Variants in SPATA17 observed in about 807,000 individuals in gnomAD.
SPATA17 encodes the protein spermatogenesis associated 17.
SPATA17 carries 53 observed loss-of-function variants against 62.2 expected under a neutral mutation model. The observed-to-expected ratio is 0.85, with a 90% CI of 0.68 to 1.07. The LOEUF is 1.07. Among genes scored for constraint, SPATA17 ranks in the 50% least tolerant of loss-of-function variants. The pLI is 0.00. For missense variants in SPATA17, 466 were observed against 425.5 expected (o/e 1.10, Z -0.84); for synonymous variants, 146 against 146.8 (o/e 0.99, Z 0.04).
At chr1:217,663,938 A>G (rs17046741) in intron 3 of SPATA17, among the ~76,000 whole-genome samples, 29,340 of 151,938 alleles carry the variant, frequency 0.19, 3,123 homozygotes, top group African/African-American at 0.29. Context: ...TATATTGTAC[A>G]TGAAAATATG....
intron 2 of SPATA17, 24 bp from the exon 3 acceptor site, chr1:217,651,073 A>G: frequency 6.5e-7 from 1 of 1,535,184 alleles, no homozygotes; most frequent in Admixed American, 1.8e-5. Context: ...AAGGATACTA[A>G]TAAGCATATT....
At chr1:217,767,292 C>T (rs930449709) in intron 6 of SPATA17, among the ~76,000 whole-genome samples, 5 of 151,858 alleles carry the variant, frequency 3.3e-5, no homozygotes, top group African/African-American at 1.2e-4. Flanking sequence ...AAGATTTTTT[C>T]TTTACCTTTG....
chr1:217,638,891 G>A (rs1457711803), intron 1 of SPATA17, among the ~76,000 whole-genome samples: 1 of 151,914 alleles, frequency 6.6e-6, no homozygotes, highest in Non-Finnish European at 1.5e-5. Context: ...TGTTAGGAAG[G>A]CAAATAAAGG....
chr1:217,656,527 C>T (rs894627841), intron 3 of SPATA17, among the ~76,000 whole-genome samples: 3 of 150,674 alleles, frequency 2.0e-5, no homozygotes, highest in Non-Finnish European at 4.4e-5. Context: ...GCTCTAAGCT[C>T]CTTGGGAATA....
At chr1:217,838,311 A>G (rs1177550229) in intron 9 of SPATA17, among the ~76,000 whole-genome samples, 1 of 151,850 alleles carries the variant, frequency 6.6e-6, no homozygotes. Flanking sequence ...TTAGTCAAGC[A>G]TTTTTCTCTG....
At chr1:217,675,740 A>G (rs1670931596) in intron 4 of SPATA17, among the ~76,000 whole-genome samples, 1 of 152,180 alleles carries the variant, frequency 6.6e-6, no homozygotes, top group South Asian at 2.1e-4. Flanking sequence ...AGGTATAGGT[A>G]TCATTAAGAT....
At chr1:217,657,885 T>C (rs895635138) in intron 3 of SPATA17, among the ~76,000 whole-genome samples, 3 of 152,150 alleles carry the variant, frequency 2.0e-5, no homozygotes, top group African/African-American at 4.8e-5. Flanking sequence ...TTCCACATGG[T>C]TGGAGAGGCC....
chr1:217,756,849 A>T (rs1212961839), intron 6 of SPATA17, among the ~76,000 whole-genome samples: 1 of 152,212 alleles, frequency 6.6e-6, no homozygotes, highest in Non-Finnish European at 1.5e-5. Context: ...ACCAGCTGAA[A>T]TTCTGAAACA....
chr1:217,861,753 A>G (rs1422877051), intron 9 of SPATA17, among the ~76,000 whole-genome samples: 2 of 152,172 alleles, frequency 1.3e-5, no homozygotes, highest in African/African-American at 4.8e-5. Context: ...AAGCATTTTT[A>G]TCACTCAAAT....
chr1:217,675,937 C>T (rs1230689938), intron 4 of SPATA17, among the ~76,000 whole-genome samples: 1 of 152,148 alleles, frequency 6.6e-6, no homozygotes, highest in Non-Finnish European at 1.5e-5. Flanking sequence ...ATGAGAACAA[C>T]TATACTGACC....
intron 6 of SPATA17, among the ~76,000 whole-genome samples, chr1:217,765,829 T>G (rs1315313435): frequency 6.6e-6 from 1 of 152,078 alleles, no homozygotes; most frequent in Non-Finnish European, 1.5e-5. Flanking sequence ...TCACATATTT[T>G]GATGCTTTGT....
At chr1:217,712,442 A>G (rs560733392) in intron 5 of SPATA17, among the ~76,000 whole-genome samples, 7 of 152,138 alleles carry the variant, frequency 4.6e-5, no homozygotes, top group African/African-American at 1.7e-4. Flanking sequence ...ATGTTCTTAT[A>G]TTATGTCTTA....
chr1:217,674,444 C>G (rs981757394), intron 4 of SPATA17, among the ~76,000 whole-genome samples: 1 of 152,176 alleles, frequency 6.6e-6, no homozygotes, highest in Admixed American at 6.5e-5. Flanking sequence ...CTGTGCCTGG[C>G]TTGTGCTCCA....
At chr1:217,788,610 G>T (rs1673921441) in intron 8 of SPATA17, among the ~76,000 whole-genome samples, 1 of 152,098 alleles carries the variant, frequency 6.6e-6, no homozygotes, top group South Asian at 2.1e-4. Context: ...GCAATGTGAG[G>T]AGGGTTCAAT....
chr1:217,836,749 A>G (rs1333424197), intron 9 of SPATA17, among the ~76,000 whole-genome samples: 1 of 152,112 alleles, frequency 6.6e-6, no homozygotes, highest in African/African-American at 2.4e-5. Flanking sequence ...TTTTGTGACA[A>G]AGAGCTATGA....
At chr1:217,641,000 G>T (rs947721065) in intron 1 of SPATA17, among the ~76,000 whole-genome samples, 8 of 151,976 alleles carry the variant, frequency 5.3e-5, no homozygotes, top group Non-Finnish European at 2.9e-5. Flanking sequence ...TTTATATTGA[G>T]CATCGGTTAA....
Position 217,801,818 on chromosome 1 carries a change from A to C in SPATA17, c.973A>C (p.Ser325Arg), listed in dbSNP as rs748601564. ...TATTTCTTACAAAGAACAATTCCGA[A>C]GTGAAAATCCTAAGAAATGGATCTG... is the stretch of plus-strand genomic sequence containing the variant. ...GPISYKEQFR[S>R]ENPKKWICDK... The change falls in exon 9 of 11, where the codon AGT becomes CGT. Residue 325 changes from serine (S) to arginine (R), a missense_variant. Physicochemically the swap from Ser to Arg is moderately radical, Grantham distance 110 (BLOSUM62 -1). Transcript: ENST00000366933. The C allele has an allele frequency of 4.3e-6, 7 of 1,610,718 alleles. No homozygotes were observed. The highest frequency in any genetic ancestry group is 5.9e-6 in the Non-Finnish European group (7 of 1,178,980).
Position 217,639,828 on chromosome 1 carries a change from C to T in SPATA17, c.68+8382C>T, listed in dbSNP as rs538435281. The stretch of plus-strand genomic sequence containing the variant: ...ATCAATTTTTTCACCACTCTTCTGA[C>T]CCACATGTATGGTCTCTCAATGACA... On this transcript the variant is annotated intron_variant, in intron 1 of 10. Transcript: ENST00000366933. Among the ~76,000 whole-genome samples the T allele has an allele frequency of 1.3e-4, 20 of 152,168 alleles. No homozygotes were observed. The East Asian group carries it at 3.3e-3, about 25-fold the overall frequency.
rs556867555 is a variant in SPATA17, at chr1:217,819,425, C to T, written c.1005+17575C>T. 5.9e-5 allele frequency among the ~76,000 whole-genome samples: 9 copies of T among 151,990 alleles called. No individual in the cohort carries two copies. The South Asian group carries it at 1.7e-3, about 28-fold the overall frequency. On this transcript the variant is annotated intron_variant, in intron 9 of 10. Coordinates refer to ENST00000366933, the MANE Select transcript of SPATA17 (RefSeq NM_138796.4). ...CTGACTCAAAGGTGCATCTTTCTCT[C>T]TCTATCTCTCTCTTCCCTAGAAGCA... is the stretch of plus-strand genomic sequence containing the variant.
Sources: gnomAD v4.1 joint callset for allele counts (sites outside exome capture counted in the v4.1 genomes callset) on GRCh38, gnomAD v4.1.1 for gene constraint, MANE v1.5 for transcripts, NCBI Gene and HGNC (gene_info 2026-07-23, HGNC 2026-07-21) for gene names.